ERBB4: variants seen among roughly 807,000 people sequenced by gnomAD.
The protein encoded by ERBB4 is receptor tyrosine-protein kinase erbB-4.
A neutral mutation model predicts 158.0 loss-of-function variants in ERBB4; 42 were observed. The observed-to-expected ratio is 0.27, with a 90% confidence interval of 0.21 to 0.34. ERBB4 has a LOEUF of 0.34. Ranked by LOEUF, ERBB4 falls within the 10% of genes least tolerant of loss-of-function variation. ERBB4 has a pLI of 1.00. For missense variants in ERBB4, 1,333 were observed against 1,624.1 expected (o/e 0.82, Z 3.08); for synonymous variants, 583 against 558.7 (o/e 1.04, Z -0.61).
rs150110794 is a variant in ERBB4, at chr2:212,018,762, C to T, written c.235-71146G>A. On this transcript the variant is annotated intron_variant, in intron 2 of 27. Coordinates refer to ENST00000342788, the MANE Select transcript of ERBB4 (RefSeq NM_005235.3). ...TCTCTTTCAATGAATATATATTTTC[C>T]TCCTGATTTTCAGTTATTTCACAGC... is the stretch of plus-strand genomic sequence containing the variant. Among the ~76,000 whole-genome samples, 143 of 152,174 alleles carry T rather than the reference C, an allele frequency of 9.4e-4. 1 individual carries two copies. The highest frequency in any genetic ancestry group is 3.3e-3 in the African/African-American group (137 of 41,506).
rs984998400 is a variant in ERBB4 at position 211,447,755 on chromosome 2, G to T, written c.2488-16655C>A. Reference sequence around the variant, plus strand: ...ATATTGTGGTTGCATGTAAATGTTTGCCAGTGTCAGGAGATTCAAGCTATT... The same window carrying T: ...ATATTGTGGTTGCATGTAAATGTTTTCCAGTGTCAGGAGATTCAAGCTATT... On this transcript the variant is annotated intron_variant, in intron 20 of 27. Coordinates refer to ENST00000342788, the MANE Select transcript of ERBB4 (RefSeq NM_005235.3). Among the ~76,000 whole-genome samples the T allele has an allele frequency of 3.9e-5, 6 of 152,122 alleles. 1 individual carries two copies. The highest frequency in any genetic ancestry group is 1.4e-4 in the African/African-American group (6 of 41,426).
chr2:212,410,660 T>C (rs193276186), intron 1 of ERBB4, among the ~76,000 whole-genome samples: 31 of 152,166 alleles, frequency 2.0e-4, no homozygotes, highest in Non-Finnish European at 2.9e-5. Flanking sequence ...TTTCAAATAA[T>C]AAAACAGTGG....
rs530567931 is a variant in ERBB4, at chr2:211,939,984, T to TATAGATAG, written c.421+7438_421+7445dup. Among the ~76,000 whole-genome samples, 259 of 141,584 alleles carry TATAGATAG rather than the reference T, an allele frequency of 1.8e-3. 2 individuals are homozygous for TATAGATAG. Among genetic ancestry groups the TATAGATAG allele is most frequent in the African/African-American group, 5.7e-3 (230 of 40,400 alleles). 92.9% of individuals were successfully genotyped at this position (141,584 alleles called of 152,430 possible). On this transcript the variant is annotated intron_variant, in intron 3 of 27. Coordinates refer to ENST00000342788, the MANE Select transcript of ERBB4 (RefSeq NM_005235.3). The stretch of plus-strand genomic sequence containing the variant: ...AAAAAAAAATATATATATATATGTA[T>TATAGATAG]ATAGATAGATAGATAGATAGATAGA...
In ERBB4 at chr2:211,918,477, C is replaced by T. The variant is rs114843102; in HGVS notation, c.421+28953G>A. On this transcript the variant is annotated intron_variant, in intron 3 of 27. Coordinates refer to ENST00000342788, the MANE Select transcript of ERBB4 (RefSeq NM_005235.3). ...GACCTTTACCTACACTGTGGTGCACCAGAGTTTAAAGTTGGAGAGTTCAAT... is the reference window on the plus strand; with the variant it reads ...GACCTTTACCTACACTGTGGTGCACTAGAGTTTAAAGTTGGAGAGTTCAAT... Among the ~76,000 whole-genome samples, 581 of 152,060 alleles carry T rather than the reference C, an allele frequency of 3.8e-3. 4 individuals are homozygous for T. The highest frequency in any genetic ancestry group is 0.013 in the African/African-American group (536 of 41,478).
chr2:212,413,643 G>A (rs1449320510), intron 1 of ERBB4, among the ~76,000 whole-genome samples: 1 of 152,106 alleles, frequency 6.6e-6, no homozygotes, highest in East Asian at 1.9e-4. Flanking sequence ...GGAACAGTAT[G>A]TTATAGCAGA....
chr2:211,428,631 A>AT (rs2063686210), intron 21 of ERBB4, 148 bp from the exon 22 acceptor site: 2 of 464,162 alleles, frequency 4.3e-6, no homozygotes, highest in African/African-American at 4.0e-5. Context: ...AATATATGTT[A>AT]ATTTATGACT....
chr2:211,977,881 G>GA (rs1322177158), intron 2 of ERBB4, among the ~76,000 whole-genome samples: 1 of 142,724 alleles, frequency 7.0e-6, no homozygotes, highest in African/African-American at 2.5e-5. Flanking sequence ...AAAGCAACTT[G>GA]AAAAGAGTAC....
At chr2:212,222,616 C>CT (rs150866618) in intron 1 of ERBB4, among the ~76,000 whole-genome samples, 24,299 of 150,096 alleles carry the variant, frequency 0.16, 2,360 homozygotes, top group Non-Finnish European at 0.21. Flanking sequence ...ATTCTCTTGG[C>CT]TTTTTTTTTA....
chr2:211,918,005 G>C (rs2079747941), intron 3 of ERBB4, among the ~76,000 whole-genome samples: 1 of 152,146 alleles, frequency 6.6e-6, no homozygotes. Flanking sequence ...GAGAAAACAT[G>C]AAATATGATT....
chr2:212,359,748 TTGTC>T (rs1283175759), intron 1 of ERBB4, among the ~76,000 whole-genome samples: 1 of 151,770 alleles, frequency 6.6e-6, no homozygotes, highest in Non-Finnish European at 1.5e-5. Context: ...ATTGTGAAGA[TTGTC>T]TGTGTTTTCT....
At position 211,878,443 on chromosome 2, in the gene ERBB4, T is replaced by G. The variant is rs368945760; in HGVS notation, c.421+68987A>C. On this transcript the variant is annotated intron_variant, in intron 3 of 27. Coordinates refer to ENST00000342788, the MANE Select transcript of ERBB4 (RefSeq NM_005235.3). ...TAATAAAAGGTATTTGATTTTAGCA[T>G]AGTGATGAATTTCATAAAAATATGC... is the stretch of plus-strand genomic sequence containing the variant. Among the ~76,000 whole-genome samples the G allele has an allele frequency of 8.5e-5, 13 of 152,310 alleles. No homozygotes were observed. The East Asian group carries it at 1.9e-3, about 23-fold the overall frequency.
At position 211,653,812 on chromosome 2, in the gene ERBB4, C is replaced by T. The variant is rs78607437; in HGVS notation, c.1946+3942G>A. Among the ~76,000 whole-genome samples the T allele has an allele frequency of 2.6e-5, 4 of 151,928 alleles. No individual in the cohort carries two copies. In the East Asian group the frequency reaches 7.8e-4, roughly 30 times the overall value. ...GCCTCAGCCTCTTGAGTAGCTGGGA[C>T]TACAGGCATGTTCCACCACGCCCGG... On this transcript the variant is annotated intron_variant, in intron 16 of 27. Transcript: ENST00000342788.
chr2:212,163,405 A>G (rs562439216), intron 1 of ERBB4, among the ~76,000 whole-genome samples: 1 of 152,178 alleles, frequency 6.6e-6, no homozygotes, highest in East Asian at 1.9e-4. Context: ...AATTTAACCC[A>G]GTCAGTGCTG....
chr2:212,271,218 C>T (rs964880090), intron 1 of ERBB4, among the ~76,000 whole-genome samples: 2 of 151,548 alleles, frequency 1.3e-5, no homozygotes, highest in African/African-American at 4.8e-5. Context: ...TGTTATAATG[C>T]CTGACAAAAC....
chr2:212,290,628 A>G (rs977645862), intron 1 of ERBB4, among the ~76,000 whole-genome samples: 1 of 152,068 alleles, frequency 6.6e-6, no homozygotes, highest in Admixed American at 6.6e-5. Context: ...AATAATCGCT[A>G]AGTCACGTAT....
intron 19 of ERBB4, among the ~76,000 whole-genome samples, chr2:211,585,825 A>G (rs2068258746): frequency 6.6e-6 from 1 of 152,130 alleles, no homozygotes; most frequent in Non-Finnish European, 1.5e-5. Flanking sequence ...ATTATTATGG[A>G]AAAATTACTC....
intron 1 of ERBB4, among the ~76,000 whole-genome samples, chr2:212,335,030 T>C (rs1189072372): frequency 6.6e-6 from 1 of 152,020 alleles, no homozygotes; most frequent in African/African-American, 2.4e-5. Flanking sequence ...TAATTTAACT[T>C]ACTCCTTACC....
At chr2:212,481,385 A>G (rs1412511784) in intron 1 of ERBB4, among the ~76,000 whole-genome samples, 1 of 152,176 alleles carries the variant, frequency 6.6e-6, no homozygotes, top group African/African-American at 2.4e-5. Context: ...CAAATTTTAT[A>G]CCAAAGGATA....
chr2:212,311,237 T>C (rs920924947), intron 1 of ERBB4, among the ~76,000 whole-genome samples: 9 of 150,690 alleles, frequency 6.0e-5, no homozygotes, highest in Admixed American at 1.3e-4. Flanking sequence ...TAACAATATA[T>C]GCCGGAATAC....
Sources: allele counts gnomAD v4.1 joint callset (sites outside exome capture counted in the v4.1 genomes callset), GRCh38; gene constraint gnomAD v4.1.1; transcripts MANE v1.5; gene names NCBI Gene and HGNC (gene_info 2026-07-23, HGNC 2026-07-21).